RARB: variants seen among roughly 807,000 people sequenced by gnomAD.
The protein encoded by RARB is retinoic acid receptor beta, also known as HBV-activated protein.
RARB carries 17 observed loss-of-function variants against 51.9 expected under a neutral mutation model. That is an observed-to-expected ratio of 0.33 (90% CI 0.22 to 0.49). The LOEUF (loss-of-function observed/expected upper bound fraction) is 0.49, where lower values mean the gene tolerates loss of function less well. Among genes scored for constraint, RARB ranks in the 20% least tolerant of loss-of-function variants. The pLI, the probability that RARB is intolerant of heterozygous loss-of-function variation, is 0.99. For missense variants in RARB, 369 were observed against 550.8 expected (o/e 0.67, Z 3.30); for synonymous variants, 215 against 195.4 (o/e 1.10, Z -0.84).
intron 3 of RARB, among the ~76,000 whole-genome samples, chr3:25,544,229 CAAT>C (rs1397392818): frequency 1.3e-5 from 2 of 151,794 alleles, no homozygotes; most frequent in Non-Finnish European, 1.5e-5. Context: ...CATAGAAAAA[CAAT>C]AAAATGAATC....
intron 3 of RARB, among the ~76,000 whole-genome samples, chr3:25,506,274 AAAC>A (rs1697591855): frequency 1.3e-5 from 2 of 150,078 alleles, no homozygotes; most frequent in Admixed American, 6.7e-5. Flanking sequence ...AAAAAAAAAA[AAAC>A]CAGCTCTTTT....
chr3:25,167,221 C>G (rs1372254764), intron 4 of RARB, among the ~76,000 whole-genome samples: 1 of 152,160 alleles, frequency 6.6e-6, no homozygotes, highest in African/African-American at 2.4e-5. Flanking sequence ...GACCACAGAG[C>G]TCTAGTTTTT....
chr3:25,543,870 A>G (rs947036633), intron 3 of RARB, among the ~76,000 whole-genome samples: 1 of 152,232 alleles, frequency 6.6e-6, no homozygotes, highest in African/African-American at 2.4e-5. Flanking sequence ...CAAGCTTAAC[A>G]TTAGAAACTG....
At chr3:24,904,641 A>G (rs1052579450) in intron 2 of RARB, among the ~76,000 whole-genome samples, 1 of 152,188 alleles carries the variant, frequency 6.6e-6, no homozygotes. Flanking sequence ...ATATCATTTG[A>G]CCCAGGCATC....
At chr3:25,506,510 G>A (rs376038341) in intron 3 of RARB, among the ~76,000 whole-genome samples, 114 of 152,066 alleles carry the variant, frequency 7.5e-4, no homozygotes, top group African/African-American at 2.6e-3. Flanking sequence ...CAGCTAATCG[G>A]GAGGCTGAGG....
chr3:25,070,582 C>T (rs1698747807), intron 3 of RARB, among the ~76,000 whole-genome samples: 1 of 152,138 alleles, frequency 6.6e-6, no homozygotes, highest in Non-Finnish European at 1.5e-5. Flanking sequence ...TTACAATATA[C>T]AAAATGCAGA....
intron 2 of RARB, among the ~76,000 whole-genome samples, chr3:25,051,923 T>G (rs548407721): frequency 3.3e-4 from 50 of 152,344 alleles, no homozygotes; most frequent in African/African-American, 1.2e-3. Context: ...AAAGCTATGT[T>G]ATCCTACCAA....
intron 5 of RARB, among the ~76,000 whole-genome samples, chr3:25,233,058 C>G (rs1702219222): frequency 6.7e-6 from 1 of 149,108 alleles, no homozygotes; most frequent in Non-Finnish European, 1.5e-5. Flanking sequence ...TTACTGCAAC[C>G]TCTGTCTTCT....
Position 25,360,153 on chromosome 3 carries a change from G to A in RARB, c.179-101040G>A, listed in dbSNP as rs573231845. Among the ~76,000 whole-genome samples, 4 of 152,230 alleles carry A rather than the reference G, an allele frequency of 2.6e-5. No homozygotes were observed. In the South Asian group the frequency reaches 6.2e-4, roughly 24 times the overall value. ...CTAAGAACTTGTTTTATGAATCTGG[G>A]TGCTCCTGTATTGGGTGCATATATA... On this transcript the variant is annotated intron_variant, in intron 5 of 11. Transcript: ENST00000383772.
At chr3:25,497,911 A>G (rs981337753) in intron 2 of RARB, among the ~76,000 whole-genome samples, 12 of 152,200 alleles carry the variant, frequency 7.9e-5, no homozygotes, top group African/African-American at 2.9e-4. Flanking sequence ...TCAGTCACAT[A>G]GTAAGAAGCT....
At chr3:25,341,847 T>C (rs557783630) in intron 5 of RARB, among the ~76,000 whole-genome samples, 1 of 152,272 alleles carries the variant, frequency 6.6e-6, no homozygotes, top group East Asian at 1.9e-4. Context: ...TCGTTGAGCC[T>C]TGGGAAAGCT....
chr3:25,378,830 G>A (rs1021090299), intron 5 of RARB, among the ~76,000 whole-genome samples: 1 of 152,150 alleles, frequency 6.6e-6, no homozygotes, highest in Non-Finnish European at 1.5e-5. Context: ...TTATGAGGTA[G>A]TATTTCAGTA....
chr3:24,931,732 G>A (rs918895380), intron 2 of RARB, among the ~76,000 whole-genome samples: 1 of 152,124 alleles, frequency 6.6e-6, no homozygotes, highest in Non-Finnish European at 1.5e-5. Context: ...CAATTTCATA[G>A]TCTATGATAT....
At chr3:25,574,387 C>T (rs1039531977) in intron 4 of RARB, among the ~76,000 whole-genome samples, 1 of 152,228 alleles carries the variant, frequency 6.6e-6, no homozygotes, top group African/African-American at 2.4e-5. Context: ...GCACAGTTTC[C>T]GGCACAGAGG....
At chr3:24,902,561 T>C (rs900113265) in intron 2 of RARB, among the ~76,000 whole-genome samples, 1 of 152,200 alleles carries the variant, frequency 6.6e-6, no homozygotes, top group South Asian at 2.1e-4. Context: ...TTGGGAATTT[T>C]ATGAATTTAT....
intron 2 of RARB, among the ~76,000 whole-genome samples, chr3:24,898,443 C>T (rs1703526189): frequency 6.6e-6 from 1 of 151,540 alleles, no homozygotes; most frequent in Non-Finnish European, 1.5e-5. Flanking sequence ...TACAATTAGA[C>T]AATAACTTTA....
intron 2 of RARB, among the ~76,000 whole-genome samples, chr3:24,928,012 G>T (rs1042991679): frequency 6.6e-6 from 1 of 152,126 alleles, no homozygotes; most frequent in Non-Finnish European, 1.5e-5. Flanking sequence ...GGATCTAATA[G>T]GAAAGGAGAC....
At chr3:24,882,245 TAC>T (rs1559381744) in intron 2 of RARB, among the ~76,000 whole-genome samples, 1 of 152,110 alleles carries the variant, frequency 6.6e-6, no homozygotes, top group Admixed American at 6.6e-5. Context: ...CATAACTGAT[TAC>T]AGTCGGCCCT....
At chr3:25,205,600 A>T (rs1013288688) in intron 5 of RARB, among the ~76,000 whole-genome samples, 3 of 152,158 alleles carry the variant, frequency 2.0e-5, no homozygotes, top group African/African-American at 7.2e-5. Flanking sequence ...CAAAAAAAAT[A>T]AATGCTTGAG....
Sources: allele counts gnomAD v4.1 joint callset (sites outside exome capture counted in the v4.1 genomes callset), GRCh38; gene constraint gnomAD v4.1.1; transcripts MANE v1.5; gene names NCBI Gene and HGNC (gene_info 2026-07-23, HGNC 2026-07-21).